LPP: variants seen among roughly 807,000 people sequenced by gnomAD.
The protein encoded by LPP is lipoma-preferred partner.
LPP carries 38 observed loss-of-function variants against 60.4 expected under a neutral mutation model. That is an observed-to-expected ratio of 0.63 (90% CI 0.49 to 0.83). LPP has a LOEUF of 0.83. LPP is among the 40% of genes least tolerant of loss of function. The pLI is 0.00. For synonymous variants in LPP, 328 were observed against 290.8 expected (o/e 1.13, Z -1.30); for missense variants, 902 against 783.6 (o/e 1.15, Z -1.80).
At chr3:188,344,889 T>G (rs1763925314) in intron 3 of LPP, among the ~76,000 whole-genome samples, 1 of 151,458 alleles carries the variant, frequency 6.6e-6, no homozygotes, top group South Asian at 2.1e-4. Flanking sequence ...TATGAGAGGA[T>G]CTGGTAAACT....
chr3:188,230,092 C>G (rs1719301000), intron 2 of LPP, among the ~76,000 whole-genome samples: 1 of 146,162 alleles, frequency 6.8e-6, no homozygotes, highest in Non-Finnish European at 1.5e-5. Context: ...GAAACATATT[C>G]TTTTTTTTTT....
chr3:188,788,476 T>C (rs1469416101), intron 9 of LPP, among the ~76,000 whole-genome samples: 1 of 152,218 alleles, frequency 6.6e-6, no homozygotes, highest in African/African-American at 2.4e-5. Context: ...TGCCTTATCC[T>C]CCCCATCATC....
At chr3:188,874,161 A>G (rs1020101436) in intron 11 of LPP, among the ~76,000 whole-genome samples, 190 bp from the exon 12 acceptor site, 1 of 152,144 alleles carries the variant, frequency 6.6e-6, no homozygotes, top group Non-Finnish European at 1.5e-5. Flanking sequence ...TCTCTAATTC[A>G]ATTACATTCA....
chr3:188,755,890 G>A (rs1016236499), intron 8 of LPP, among the ~76,000 whole-genome samples: 6 of 136,982 alleles, frequency 4.4e-5, no homozygotes, highest in African/African-American at 8.2e-5. Flanking sequence ...CCCATATCAC[G>A]CTATGCCACT....
At chr3:188,640,371 G>C (rs1266097259) in intron 7 of LPP, among the ~76,000 whole-genome samples, 2 of 119,490 alleles carry the variant, frequency 1.7e-5, no homozygotes, top group Non-Finnish European at 3.4e-5. Flanking sequence ...ACTGTTGTGG[G>C]GTGGGGGGAG....
intron 6 of LPP, among the ~76,000 whole-genome samples, chr3:188,565,156 T>C (rs1831825295): frequency 6.6e-6 from 1 of 151,906 alleles, no homozygotes; most frequent in Non-Finnish European, 1.5e-5. Flanking sequence ...CTGATCCAAC[T>C]AGCTGTGGCC....
chr3:188,420,517 T>C (rs561701723), intron 4 of LPP, among the ~76,000 whole-genome samples: 6 of 152,312 alleles, frequency 3.9e-5, no homozygotes, highest in African/African-American at 1.2e-4. Context: ...ATTAATTTAA[T>C]TAGGGATTTT....
intron 2 of LPP, among the ~76,000 whole-genome samples, chr3:188,235,460 T>C (rs1721559797): frequency 6.6e-6 from 1 of 152,214 alleles, no homozygotes; most frequent in Non-Finnish European, 1.5e-5. Context: ...GGATAAAATG[T>C]TATACATGAT....
chr3:188,554,712 A>G (rs1183459750), intron 6 of LPP, among the ~76,000 whole-genome samples: 1 of 152,182 alleles, frequency 6.6e-6, no homozygotes, highest in Non-Finnish European at 1.5e-5. Context: ...AAGTGCTTAC[A>G]CTGCTGCATT....
chr3:188,856,987 T>A (rs74725955), intron 9 of LPP, among the ~76,000 whole-genome samples: 3,494 of 152,256 alleles, frequency 0.023, 116 homozygotes, highest in African/African-American at 0.079. Flanking sequence ...CATATTCTTA[T>A]TGTTAAGTGG....
At chr3:188,460,027 T>A (rs1798642928) in intron 4 of LPP, among the ~76,000 whole-genome samples, 1 of 152,224 alleles carries the variant, frequency 6.6e-6, no homozygotes, top group Admixed American at 6.5e-5. Context: ...TGAAATCATT[T>A]TGCACACTGA....
intron 1 of LPP, among the ~76,000 whole-genome samples, chr3:188,162,337 C>A (rs1254249487): frequency 6.6e-6 from 1 of 152,154 alleles, no homozygotes; most frequent in African/African-American, 2.4e-5. Context: ...GAGAATCAAA[C>A]CCCCCTCTCC....
chr3:188,245,589 G>T (rs1220167328), intron 2 of LPP, among the ~76,000 whole-genome samples: 3 of 151,764 alleles, frequency 2.0e-5, no homozygotes, highest in African/African-American at 7.3e-5. Context: ...TGTCACCTAT[G>T]CAATAAAGAC....
intron 7 of LPP, among the ~76,000 whole-genome samples, chr3:188,669,377 C>T (rs1249810506): frequency 6.6e-5 from 10 of 152,152 alleles, no homozygotes; most frequent in East Asian, 1.9e-4. Context: ...GAGATCGAGA[C>T]CATCCTGACT....
At chr3:188,457,325 C>G (rs1797946458) in intron 4 of LPP, among the ~76,000 whole-genome samples, 1 of 152,160 alleles carries the variant, frequency 6.6e-6, no homozygotes, top group Non-Finnish European at 1.5e-5. Context: ...TGATGTACAG[C>G]TAACTAATGT....
chr3:188,384,046 T>A (rs1777559202), intron 3 of LPP, among the ~76,000 whole-genome samples: 1 of 152,204 alleles, frequency 6.6e-6, no homozygotes, highest in Non-Finnish European at 1.5e-5. Context: ...TTTCTTTAGT[T>A]CTTGCTAATA....
chr3:188,279,741 T>A (rs1741270653), intron 2 of LPP, among the ~76,000 whole-genome samples: 1 of 152,196 alleles, frequency 6.6e-6, no homozygotes, highest in African/African-American at 2.4e-5. Context: ...AACATTTAGT[T>A]GTCAGATTTT....
chr3:188,363,734 G>A (rs1405226311), intron 3 of LPP, among the ~76,000 whole-genome samples: 2 of 151,700 alleles, frequency 1.3e-5, no homozygotes, highest in African/African-American at 2.4e-5. Flanking sequence ...GTGAAACCCC[G>A]TCTCTACTAA....
At chr3:188,828,072 T>G (rs1022349785) in intron 9 of LPP, among the ~76,000 whole-genome samples, 3 of 152,184 alleles carry the variant, frequency 2.0e-5, no homozygotes, top group Non-Finnish European at 2.9e-5. Flanking sequence ...GAGCACATAC[T>G]GTGTCCTAGG....
Sources: allele counts gnomAD v4.1 joint callset (sites outside exome capture counted in the v4.1 genomes callset), GRCh38; gene constraint gnomAD v4.1.1; transcripts MANE v1.5; gene names NCBI Gene and HGNC (gene_info 2026-07-23, HGNC 2026-07-21).